Variants in PHACTR4 observed in about 807,000 individuals in gnomAD.
The protein encoded by PHACTR4 is phosphatase and actin regulator 4, also known as protein phosphatase 1, regulatory subunit 124.
Under a neutral mutation model 72.7 loss-of-function variants are expected in PHACTR4, and 51 were observed. The observed-to-expected ratio is 0.70, with a 90% CI of 0.56 to 0.89. The LOEUF is 0.89. Among genes scored for constraint, PHACTR4 ranks in the 40% least tolerant of loss-of-function variants. The pLI, the probability that PHACTR4 is intolerant of heterozygous loss-of-function variation, is 0.00. For synonymous variants in PHACTR4, 255 were observed against 302.5 expected (o/e 0.84, Z 1.63); for missense variants, 731 against 861.8 (o/e 0.85, Z 1.90).
At chr1:28,407,495 G>T in intron 2 of PHACTR4, 32 bp downstream of exon 2, 1 of 1,585,636 alleles carries the variant, frequency 6.3e-7, no homozygotes, top group Admixed American at 1.7e-5. Flanking sequence ...CTTAGTAAAT[G>T]ACATTTCTGT....
At chr1:28,456,815 G>C (rs961696743) in intron 2 of PHACTR4, among the ~76,000 whole-genome samples, 1 of 151,556 alleles carries the variant, frequency 6.6e-6, no homozygotes, top group Non-Finnish European at 1.5e-5. Flanking sequence ...TTGAGTCCTG[G>C]AGTTGAAGGC....
At chr1:28,407,360 G>T (rs1470413588) in intron 1 of PHACTR4, 50 bp from the exon 2 acceptor site, 11 of 977,000 alleles carry the variant, frequency 1.1e-5, no homozygotes, top group Non-Finnish European at 1.6e-5. Context: ...AGCATAAAAG[G>T]TGATGGACTA....
chr1:28,459,353 T>A, intron 3 of PHACTR4, 95 bp downstream of exon 3: 12 of 929,868 alleles, frequency 1.3e-5, no homozygotes, highest in Non-Finnish European at 1.8e-5. Context: ...TCTGTAGTCC[T>A]CTATTTGAAG....
chr1:28,405,549 A>G (rs1654260693), intron 1 of PHACTR4, among the ~76,000 whole-genome samples: 1 of 149,282 alleles, frequency 6.7e-6, no homozygotes, highest in Admixed American at 6.7e-5. Flanking sequence ...CTGGTCTCAA[A>G]CTCCTGACCT....
chr1:28,445,487 T>TC (rs1391757185), intron 2 of PHACTR4, among the ~76,000 whole-genome samples: 1 of 26,224 alleles, frequency 3.8e-5, no homozygotes, highest in Non-Finnish European at 8.7e-5. Context: ...TTTACCTCTC[T>TC]TTTTTTTTCC....
At chr1:28,476,883 G>A (rs1256097892) in intron 8 of PHACTR4, among the ~76,000 whole-genome samples, 1 of 147,148 alleles carries the variant, frequency 6.8e-6, no homozygotes, top group East Asian at 2.0e-4. Context: ...CAATTCTCCT[G>A]TCTCAGCCTC....
At chr1:28,418,545 G>T (rs1357722283) in intron 2 of PHACTR4, among the ~76,000 whole-genome samples, 10 of 151,946 alleles carry the variant, frequency 6.6e-5, no homozygotes, top group Admixed American at 6.6e-4. Context: ...TAATACAGCT[G>T]TAGAAAGTCT....
chr1:28,461,834 T>C (rs1658825474), intron 4 of PHACTR4, among the ~76,000 whole-genome samples: 1 of 149,756 alleles, frequency 6.7e-6, no homozygotes, highest in African/African-American at 2.5e-5. Flanking sequence ...CCAGGTGCTA[T>C]GCGATGTTTT....
chr1:28,465,698 A>G lies in PHACTR4; in HGVS notation c.285A>G (p.Pro95=), dbSNP rs908131734. Residue 95 remains proline (P), a synonymous_variant, in exon 5 of 14, where the codon CCA becomes CCG. Transcript: ENST00000373839. The stretch of plus-strand genomic sequence containing the variant: ...TTCACCTTGCAGGTGGTGAGGATCC[A>G]GGAAAGCCAAGCGATGCCATGTTAA... The part of the protein sequence containing the change: ...LEDPEQGGED[P]GKPSDAMLKN... 9 of 1,613,400 alleles carry G rather than the reference A, an allele frequency of 5.6e-6. No homozygotes were observed. The African/African-American group carries it at 1.1e-4, about 19-fold the overall frequency.
At chr1:28,385,421 A>G (rs987176877) in intron 1 of PHACTR4, among the ~76,000 whole-genome samples, 1 of 151,558 alleles carries the variant, frequency 6.6e-6, no homozygotes. Flanking sequence ...GTGCATGCCT[A>G]TAGTCCTGGC....
In PHACTR4 at chr1:28,428,586, A is replaced by G. The variant is rs578048440; in HGVS notation, c.16+21123A>G. ...TTTCTCTCGCTAATAAAAGTCCAAC[A>G]TATTGTAGGTTTTAAACATATACAT... is the stretch of plus-strand genomic sequence containing the variant. On this transcript the variant is annotated intron_variant, in intron 2 of 13. Transcript: ENST00000373839. Among the ~76,000 whole-genome samples the G allele has an allele frequency of 2.6e-5, 4 of 152,242 alleles. 1 individual carries two copies. The highest frequency in any genetic ancestry group is 5.9e-5 in the Non-Finnish European group (4 of 68,036).
chr1:28,460,688 T>C (rs1658739361), intron 4 of PHACTR4, among the ~76,000 whole-genome samples: 1 of 152,170 alleles, frequency 6.6e-6, no homozygotes, highest in African/African-American at 2.4e-5. Context: ...TTTGACTTTT[T>C]AGTAGAGATG....
At chr1:28,394,714 A>T (rs1404344873) in intron 1 of PHACTR4, among the ~76,000 whole-genome samples, 1 of 151,320 alleles carries the variant, frequency 6.6e-6, no homozygotes, top group African/African-American at 2.4e-5. Flanking sequence ...CTCCTGGCTC[A>T]GCCTCCCGAG....
chr1:28,424,938 G>A (rs1569906177), intron 2 of PHACTR4, among the ~76,000 whole-genome samples: 2 of 151,972 alleles, frequency 1.3e-5, no homozygotes, highest in Non-Finnish European at 2.9e-5. Flanking sequence ...GGGGTTACAG[G>A]CATGCACCAC....
At chr1:28,485,056 CA>C (rs1158604676) in intron 9 of PHACTR4, among the ~76,000 whole-genome samples, 1 of 152,118 alleles carries the variant, frequency 6.6e-6, no homozygotes, top group Non-Finnish European at 1.5e-5. Flanking sequence ...ACAACATAGT[CA>C]AACCTTGAGG....
intron 1 of PHACTR4, among the ~76,000 whole-genome samples, chr1:28,377,723 C>A (rs911948403): frequency 6.6e-6 from 1 of 151,660 alleles, no homozygotes; most frequent in Non-Finnish European, 1.5e-5. Flanking sequence ...CCCAGCTACT[C>A]TGGAGGCTGA....
At chr1:28,399,085 G>T (rs911541640) in intron 1 of PHACTR4, among the ~76,000 whole-genome samples, 2 of 152,072 alleles carry the variant, frequency 1.3e-5, no homozygotes, top group African/African-American at 4.8e-5. Flanking sequence ...GCCGAGGCGG[G>T]TGGATCACCA....
intron 1 of PHACTR4, among the ~76,000 whole-genome samples, chr1:28,370,027 C>T (rs770098707): frequency 6.6e-6 from 1 of 152,160 alleles, no homozygotes; most frequent in Admixed American, 6.5e-5. Flanking sequence ...CGGTCCAACC[C>T]GGGCTTCTCC....
intron 5 of PHACTR4, 70 bp from the exon 6 acceptor site, chr1:28,466,312 A>G: frequency 1.3e-6 from 2 of 1,492,466 alleles, no homozygotes; most frequent in East Asian, 4.6e-5. Context: ...AAATTCATAG[A>G]TGTGTTAGCT....
Sources: allele counts gnomAD v4.1 joint callset (sites outside exome capture counted in the v4.1 genomes callset), GRCh38; gene constraint gnomAD v4.1.1; transcripts MANE v1.5; gene names NCBI Gene and HGNC (gene_info 2026-07-23, HGNC 2026-07-21).